Variants in MEI4 observed in about 807,000 individuals in gnomAD.
The protein encoded by MEI4 is meiotic double-stranded break formation protein 4.
MEI4 carries 27 observed loss-of-function variants against 31.4 expected under a neutral mutation model. The observed-to-expected ratio is 0.86, with a 90% CI of 0.63 to 1.19. The LOEUF is 1.19. Among genes scored for constraint, MEI4 ranks in the 50% most tolerant of loss-of-function variants. MEI4 has a pLI of 0.00. For missense variants in MEI4, 329 were observed against 398.9 expected (o/e 0.82, Z 1.49); for synonymous variants, 122 against 145.4 (o/e 0.84, Z 1.16).
intron 2 of MEI4, among the ~76,000 whole-genome samples, chr6:77,743,079 G>C (rs9350722): frequency 2.6e-5 from 4 of 151,838 alleles, no homozygotes; most frequent in South Asian, 4.2e-4. Flanking sequence ...TGTTCTTTTG[G>C]CTTAGGATTG....
chr6:77,668,157 A>G (rs1383704523), intron 1 of MEI4, among the ~76,000 whole-genome samples: 2 of 152,140 alleles, frequency 1.3e-5, no homozygotes, highest in Non-Finnish European at 2.9e-5. Flanking sequence ...TCAAGGACTC[A>G]TTAGAGGGGC....
At chr6:77,787,414 C>T (rs1418095901) in intron 3 of MEI4, among the ~76,000 whole-genome samples, 1 of 152,124 alleles carries the variant, frequency 6.6e-6, no homozygotes, top group Non-Finnish European at 1.5e-5. Context: ...CTGCTTAAGC[C>T]CCTGGTGGTT....
chr6:77,733,846 T>C (rs1216564939), intron 2 of MEI4, among the ~76,000 whole-genome samples: 5 of 152,076 alleles, frequency 3.3e-5, no homozygotes, highest in Non-Finnish European at 5.9e-5. Context: ...CTTATTGGTT[T>C]CAAAGAACAT....
chr6:77,699,038 C>T (rs1354233079), intron 2 of MEI4, among the ~76,000 whole-genome samples: 1 of 151,970 alleles, frequency 6.6e-6, no homozygotes, highest in African/African-American at 2.4e-5. Flanking sequence ...TCACTGATAC[C>T]CTTTCTTCCA....
intron 2 of MEI4, among the ~76,000 whole-genome samples, chr6:77,731,528 G>A (rs1456618246): frequency 4.6e-5 from 7 of 151,154 alleles, no homozygotes; most frequent in Admixed American, 2.0e-4. Context: ...CTGGATATTA[G>A]CCCTTTGTCA....
chr6:77,746,709 A>G (rs1422286474), intron 2 of MEI4, among the ~76,000 whole-genome samples: 2 of 151,356 alleles, frequency 1.3e-5, no homozygotes, highest in Non-Finnish European at 2.9e-5. Flanking sequence ...TTCTCTGAAA[A>G]ACCCTAATAA....
intron 4 of MEI4, among the ~76,000 whole-genome samples, chr6:77,848,173 C>T (rs1014005845): frequency 6.6e-6 from 1 of 152,108 alleles, no homozygotes; most frequent in African/African-American, 2.4e-5. Context: ...TCTGGATGGC[C>T]TACTGGTGTC....
At chr6:77,910,313 T>C (rs138298870) in intron 4 of MEI4, among the ~76,000 whole-genome samples, 18,412 of 152,164 alleles carry the variant, frequency 0.12, 1,317 homozygotes, top group South Asian at 0.18. Flanking sequence ...AAAACCCCAT[T>C]GTCTCAGCCC....
chr6:77,867,716 G>C (rs1408846412), intron 4 of MEI4, among the ~76,000 whole-genome samples: 1 of 145,386 alleles, frequency 6.9e-6, no homozygotes, highest in Non-Finnish European at 1.6e-5. Context: ...CCGATTACTG[G>C]GTATATACCC....
At chr6:77,902,939 G>T (rs1258713805) in intron 4 of MEI4, among the ~76,000 whole-genome samples, 1 of 152,106 alleles carries the variant, frequency 6.6e-6, no homozygotes, top group Non-Finnish European at 1.5e-5. Context: ...TGTCACGGAT[G>T]CATGTGCTCA....
In MEI4 at chr6:77,886,815, A is replaced by G. The variant is rs567193308; in HGVS notation, c.901-36274A>G. Among the ~76,000 whole-genome samples, 22 of 152,082 alleles carry G rather than the reference A, an allele frequency of 1.4e-4. No homozygotes were observed. The East Asian group carries it at 4.1e-3, about 28-fold the overall frequency. On this transcript the variant is annotated intron_variant, in intron 4 of 4. Transcript: ENST00000684080. ...CTGGTTTTAATGTCTCCATTTTCATATTGATTTTATTTATTTGGGTCTTCT... is the reference window on the plus strand; with the variant it reads ...CTGGTTTTAATGTCTCCATTTTCATGTTGATTTTATTTATTTGGGTCTTCT...
intron 2 of MEI4, among the ~76,000 whole-genome samples, chr6:77,734,822 C>A (rs1005196410): frequency 6.6e-6 from 1 of 151,852 alleles, no homozygotes; most frequent in African/African-American, 2.4e-5. Context: ...TCTTTTAGGG[C>A]AGGCCTGGTT....
Position 77,847,119 on chromosome 6 carries a change from TTAATGAAAAA to T in MEI4, c.900+18059_900+18068del, listed in dbSNP as rs561609626. ...GGGAATATTGTTTTTTTTTGGTGAG[TTAATGAAAAA>T]TTGAAAATGAGTTTAAATAAAAGAT... On this transcript the variant is annotated intron_variant, in intron 4 of 4. Transcript: ENST00000684080. The surrounding 1 kb of genome is among the most constrained non-coding windows in gnomAD (Gnocchi z 4.6). Among the ~76,000 whole-genome samples, 202 of 152,052 alleles carry T rather than the reference TTAATGAAAAA, an allele frequency of 1.3e-3. No homozygotes were observed. Among genetic ancestry groups the T allele is most frequent in the African/African-American group, 4.5e-3 (188 of 41,484 alleles).
At chr6:77,677,851 T>C (rs1768873072) in intron 1 of MEI4, among the ~76,000 whole-genome samples, 1 of 152,232 alleles carries the variant, frequency 6.6e-6, no homozygotes, top group African/African-American at 2.4e-5. Context: ...TCACATATTC[T>C]ACATGTATAA....
intron 3 of MEI4, among the ~76,000 whole-genome samples, chr6:77,799,255 A>C (rs201595436): frequency 6.6e-6 from 1 of 151,928 alleles, no homozygotes; most frequent in East Asian, 1.9e-4. Context: ...GATGGTGAGC[A>C]TTTTTTCCTG....
chr6:77,791,302 C>A, intron 3 of MEI4, among the ~76,000 whole-genome samples: 1 of 151,978 alleles, frequency 6.6e-6, no homozygotes, highest in East Asian at 1.9e-4. Context: ...CAATGATAGA[C>A]TGGATTAAGA....
intron 3 of MEI4, among the ~76,000 whole-genome samples, chr6:77,785,411 C>T (rs71563070): frequency 0.092 from 13,986 of 151,922 alleles, 933 homozygotes; most frequent in East Asian, 0.31. Flanking sequence ...CCATATTTTC[C>T]GTATTTGCAA....
chr6:77,784,880 CCTT>C (rs1250482763), intron 3 of MEI4, among the ~76,000 whole-genome samples: 1 of 152,096 alleles, frequency 6.6e-6, no homozygotes, highest in Non-Finnish European at 1.5e-5. Flanking sequence ...TCGTATTAAT[CCTT>C]CTATTTCTCA....
At chr6:77,865,986 T>G (rs555215164) in intron 4 of MEI4, among the ~76,000 whole-genome samples, 1 of 152,288 alleles carries the variant, frequency 6.6e-6, no homozygotes, top group East Asian at 1.9e-4. Flanking sequence ...AACCACATGA[T>G]TATCTCAATA....
Sources: allele counts gnomAD v4.1 joint callset (sites outside exome capture counted in the v4.1 genomes callset), GRCh38; gene constraint gnomAD v4.1.1; non-coding constraint Gnocchi (gnomAD v3.1); transcripts MANE v1.5; gene names NCBI Gene and HGNC (gene_info 2026-07-23, HGNC 2026-07-21).